Variants in NFATC2 observed in about 807,000 individuals in gnomAD.
The protein encoded by NFATC2 is nuclear factor of activated T-cells, cytoplasmic 2.
Under a neutral mutation model 87.3 loss-of-function variants are expected in NFATC2, and 22 were observed. That is an observed-to-expected ratio of 0.25 (90% CI 0.18 to 0.36). The LOEUF is 0.36. Among genes scored for constraint, NFATC2 ranks in the 10% least tolerant of loss-of-function variants. The pLI is 1.00. For synonymous variants in NFATC2, 565 were observed against 542.2 expected (o/e 1.04, Z -0.58); for missense variants, 1,149 against 1,259.1 (o/e 0.91, Z 1.32).
intron 3 of NFATC2, among the ~76,000 whole-genome samples, chr20:51,490,181 T>C (rs1006883396): frequency 1.3e-5 from 2 of 152,232 alleles, no homozygotes; most frequent in Non-Finnish European, 2.9e-5. Context: ...ATACAGGGCA[T>C]TGTGATGTAT....
chr20:51,430,451 C>T (rs966186572), intron 9 of NFATC2, among the ~76,000 whole-genome samples: 2 of 152,164 alleles, frequency 1.3e-5, no homozygotes, highest in African/African-American at 4.8e-5. Context: ...TGCAGGTGTC[C>T]GTTTCAAAAC....
rs1232454622 is a variant in NFATC2, at chr20:51,387,427, C to G, written c.*4069G>C. The G allele has an allele frequency of 2.6e-5, 4 of 152,224 alleles. No homozygotes were observed. The highest frequency in any genetic ancestry group is 2.6e-4 in the Admixed American group (4 of 15,280). The allele number at this position is 152,224 out of a possible 1,614,324, so 9.4% of individuals were successfully genotyped here. On this transcript the variant is annotated 3_prime_UTR_variant, in exon 11 of 11. Transcript: ENST00000371564. Reference sequence around the variant, plus strand: ...ATGTTAATAACCCTTTCACTTCCAGCTCCCAGGACCCTGATGGCTCAGGGA... The same window carrying G: ...ATGTTAATAACCCTTTCACTTCCAGGTCCCAGGACCCTGATGGCTCAGGGA...
chr20:51,525,736 C>T (rs2076534337), intron 1 of NFATC2, among the ~76,000 whole-genome samples: 1 of 152,088 alleles, frequency 6.6e-6, no homozygotes, highest in African/African-American at 2.4e-5. Flanking sequence ...AAGCCGCCGT[C>T]CTCTCCCATG....
At chr20:51,504,116 G>C (rs533632803) in intron 3 of NFATC2, among the ~76,000 whole-genome samples, 1 of 152,102 alleles carries the variant, frequency 6.6e-6, no homozygotes, top group African/African-American at 2.4e-5. Context: ...TCCGCCTCCC[G>C]GGTTCAAGCG....
chr20:51,445,880 C>G (rs1984995644), intron 6 of NFATC2, among the ~76,000 whole-genome samples: 1 of 152,210 alleles, frequency 6.6e-6, no homozygotes, highest in South Asian at 2.1e-4. Flanking sequence ...GATGCTCAGT[C>G]AAGGTCAATC....
At position 51,480,223 on chromosome 20, in the gene NFATC2, G is replaced by T. The variant is rs1162163971; in HGVS notation, c.1333-4563C>A. Among the ~76,000 whole-genome samples, 2 of 152,114 alleles carry T rather than the reference G, an allele frequency of 1.3e-5. No individual in the cohort carries two copies. Among genetic ancestry groups the T allele is most frequent in the African/African-American group, 4.8e-5 (2 of 41,410 alleles). ...GAATCACTTGAACCCGGGGGTTGGA[G>T]GTGGCAGTGAGCCGATATTGCACCA... On this transcript the variant is annotated intron_variant, in intron 3 of 10. Coordinates refer to ENST00000371564, the MANE Select transcript of NFATC2 (RefSeq NM_012340.5). The surrounding 1 kb of genome is among the most constrained non-coding windows in gnomAD (Gnocchi z 4.2).
At chr20:51,404,213 G>T (rs888137085) in intron 9 of NFATC2, among the ~76,000 whole-genome samples, 15 of 152,154 alleles carry the variant, frequency 9.9e-5, no homozygotes, top group African/African-American at 3.4e-4. Flanking sequence ...CCTGGCGAGG[G>T]GCTCACACCC....
chr20:51,441,461 A>T (rs995081474), intron 6 of NFATC2, among the ~76,000 whole-genome samples: 14 of 151,932 alleles, frequency 9.2e-5, no homozygotes, highest in Admixed American at 9.2e-4. Flanking sequence ...CATGACTGTA[A>T]TCCCAGCACT....
At chr20:51,391,504 C>A in intron 10 of NFATC2, 53 bp from the exon 11 acceptor site, 1 of 1,560,954 alleles carries the variant, frequency 6.4e-7, no homozygotes, top group South Asian at 1.1e-5. Context: ...AGTGAGAGGG[C>A]ACCGAAAACA....
At chr20:51,452,658 A>G (rs547294831) in intron 6 of NFATC2, among the ~76,000 whole-genome samples, 27 of 152,258 alleles carry the variant, frequency 1.8e-4, no homozygotes, top group African/African-American at 6.3e-4. Flanking sequence ...ATCCCCACAC[A>G]GACCTCCTCT....
chr20:51,392,104 A>G (rs990368800), intron 10 of NFATC2, among the ~76,000 whole-genome samples: 15 of 152,168 alleles, frequency 9.9e-5, no homozygotes, highest in African/African-American at 3.6e-4. Context: ...TACTTCCACT[A>G]TTTCCACATC....
intron 1 of NFATC2, among the ~76,000 whole-genome samples, chr20:51,529,447 C>T (rs1416708139): frequency 6.6e-6 from 1 of 152,038 alleles, no homozygotes; most frequent in Non-Finnish European, 1.5e-5. Flanking sequence ...ATTCTCAGTC[C>T]CCTGGGTATT....
In NFATC2 at chr20:51,475,438, C is replaced by A; in HGVS notation, c.1535+20G>T. On this transcript the variant is annotated intron_variant, in intron 4 of 10. Transcript: ENST00000371564. Reference sequence around the variant, plus strand: ...TCGCTTCTCCATGAAGACCCGCCGCCCTCAGCTCCCAGCCCTTACGTTGCC... The same window carrying A: ...TCGCTTCTCCATGAAGACCCGCCGCACTCAGCTCCCAGCCCTTACGTTGCC... 1 of 1,612,818 alleles carries A rather than the reference C, an allele frequency of 6.2e-7. No homozygotes were observed. Among genetic ancestry groups the A allele is most frequent in the Non-Finnish European group, 8.5e-7 (1 of 1,179,820 alleles).
chr20:51,402,534 GAAAC>G (rs915487034), intron 9 of NFATC2, among the ~76,000 whole-genome samples: 2 of 150,390 alleles, frequency 1.3e-5, no homozygotes, highest in Non-Finnish European at 3.0e-5. Flanking sequence ...TGAGACATAG[GAAAC>G]AAACAGTAAT....
At chr20:51,398,141 G>GCC (rs552454705) in intron 10 of NFATC2, among the ~76,000 whole-genome samples, 108 of 152,002 alleles carry the variant, frequency 7.1e-4, no homozygotes, top group African/African-American at 2.1e-3. Context: ...CAACAAGGAA[G>GCC]CCCCCCGGGA....
intron 3 of NFATC2, among the ~76,000 whole-genome samples, chr20:51,497,989 T>C (rs2076016960): frequency 6.6e-6 from 1 of 152,068 alleles, no homozygotes; most frequent in African/African-American, 2.4e-5. Context: ...AAGTGAAAAA[T>C]AAGGTTTTCT....
chr20:51,454,993 A>T (rs1028970267), intron 5 of NFATC2, among the ~76,000 whole-genome samples: 1 of 152,248 alleles, frequency 6.6e-6, no homozygotes, highest in African/African-American at 2.4e-5. Context: ...TAAGGAGAAC[A>T]GGTACATGAG....
chr20:51,398,786 C>G, intron 9 of NFATC2, 56 bp from the exon 10 acceptor site: 1 of 1,184,114 alleles, frequency 8.4e-7, no homozygotes, highest in South Asian at 1.2e-5. Flanking sequence ...CACCTTTGAT[C>G]TCTCTTACGC....
chr20:51,510,990 A>T (rs1324923201), intron 3 of NFATC2, among the ~76,000 whole-genome samples: 1 of 152,228 alleles, frequency 6.6e-6, no homozygotes, highest in African/African-American at 2.4e-5. Flanking sequence ...AATTCAACCC[A>T]AAGTTTGATT....
Sources: allele counts gnomAD v4.1 joint callset (sites outside exome capture counted in the v4.1 genomes callset), GRCh38; gene constraint gnomAD v4.1.1; non-coding constraint Gnocchi (gnomAD v3.1); transcripts MANE v1.5; gene names NCBI Gene and HGNC (gene_info 2026-07-23, HGNC 2026-07-21).